Variants in MICU1 observed in about 807,000 individuals in gnomAD.
MICU1 encodes the protein mitochondrial calcium uptake 1, also known as calcium uptake protein 1, mitochondrial.
Under a neutral mutation model 56.8 loss-of-function variants are expected in MICU1, and 45 were observed. The ratio of observed to expected loss-of-function variants is 0.79; its 90% CI spans 0.62 to 1.02. The LOEUF (loss-of-function observed/expected upper bound fraction) is 1.02, where lower values mean the gene tolerates loss of function less well. MICU1 is among the 50% of genes least tolerant of loss of function. The probability of loss-of-function intolerance (pLI) is 0.00; values close to 1 mark genes in which losing one functional copy is unlikely to be tolerated. For missense variants in MICU1, 504 were observed against 587.1 expected, an observed-to-expected ratio of 0.86 and a Z score of 1.46; for synonymous variants, 186 against 195.1, an observed-to-expected ratio of 0.95 and a Z score of 0.39.
At chr10:72,460,719 C>T (rs1235631302) in intron 8 of MICU1, among the ~76,000 whole-genome samples, 1 of 152,086 alleles carries the variant, frequency 6.6e-6, no homozygotes, top group Non-Finnish European at 1.5e-5. Flanking sequence ...CTAGACTTCC[C>T]AGACTCCTCC....
At chr10:72,418,840 C>T in intron 9 of MICU1, among the ~76,000 whole-genome samples, 1 of 152,220 alleles carries the variant, frequency 6.6e-6, no homozygotes, top group Non-Finnish European at 1.5e-5. Flanking sequence ...AGCAAAGGCC[C>T]TTCCTTGACA....
At chr10:72,480,807 A>G (rs1170179834) in intron 6 of MICU1, among the ~76,000 whole-genome samples, 4 of 152,214 alleles carry the variant, frequency 2.6e-5, no homozygotes, top group Admixed American at 2.0e-4. Context: ...AGTTCCATGA[A>G]GGCATGTGCC....
chr10:72,377,775 A>T (rs1243828650), intron 10 of MICU1, among the ~76,000 whole-genome samples: 3 of 152,254 alleles, frequency 2.0e-5, no homozygotes, highest in African/African-American at 7.2e-5. Flanking sequence ...ATTCATCCAG[A>T]AGCCAAGTGA....
intron 1 of MICU1, among the ~76,000 whole-genome samples, chr10:72,572,674 A>G (rs2132488900): frequency 6.6e-6 from 1 of 152,220 alleles, no homozygotes; most frequent in East Asian, 1.9e-4. Flanking sequence ...ATATAAAAAG[A>G]CAGTTGGAAA....
intron 1 of MICU1, among the ~76,000 whole-genome samples, chr10:72,570,244 CCA>C (rs1840574670): frequency 6.6e-6 from 1 of 152,164 alleles, no homozygotes; most frequent in African/African-American, 2.4e-5. Context: ...CATGCCCAGC[CCA>C]CTGATTCCTA....
intron 1 of MICU1, among the ~76,000 whole-genome samples, chr10:72,618,539 C>T (rs1842033955): frequency 6.6e-6 from 1 of 151,776 alleles, no homozygotes; most frequent in South Asian, 2.1e-4. Context: ...GGTCAAAGAC[C>T]TGAAAAAAAT....
At chr10:72,442,813 G>C (rs1248093505) in intron 8 of MICU1, among the ~76,000 whole-genome samples, 3 of 152,158 alleles carry the variant, frequency 2.0e-5, no homozygotes, top group South Asian at 4.1e-4. Context: ...CTAGAGTGCA[G>C]TGGTGTGATC....
rs1427800115 is a variant in MICU1 at position 72,368,219 on chromosome 10, C to T, written c.1407G>A (p.Trp469Ter). The T allele has an allele frequency of 6.2e-7, 1 of 1,613,528 alleles. No individual in the cohort carries two copies. Among genetic ancestry groups the T allele is most frequent in the South Asian group, 1.1e-5 (1 of 91,038 alleles). ...AMWKCAQETA[W>*]DFALPKQ Reference sequence around the variant, plus strand: ...GTTACTGTTTGGGTAAAGCGAAGTCCCAGGCAGTTTCCTGTGCACATTTCC... The same window carrying T: ...GTTACTGTTTGGGTAAAGCGAAGTCTCAGGCAGTTTCCTGTGCACATTTCC... The change falls in exon 12 of 12, where the codon TGG (tryptophan) becomes TGA (stop). Residue 469 changes from tryptophan (W) to a stop codon, truncating the protein, a stop_gained. Coordinates refer to ENST00000361114, the MANE Select transcript of MICU1 (RefSeq NM_001195518.2). LOFTEE classifies it high-confidence loss of function.
chr10:72,545,198 G>A (rs1179289131), intron 4 of MICU1, among the ~76,000 whole-genome samples: 1 of 152,076 alleles, frequency 6.6e-6, no homozygotes, highest in Non-Finnish European at 1.5e-5. Flanking sequence ...ATGAGCAAAT[G>A]AAAACGAAGC....
At chr10:72,471,472 T>A (rs1865949536) in intron 8 of MICU1, among the ~76,000 whole-genome samples, 3 of 152,226 alleles carry the variant, frequency 2.0e-5, no homozygotes, top group African/African-American at 7.2e-5. Flanking sequence ...TAGGCTCTCA[T>A]TTGTGTTTCT....
At chr10:72,405,635 C>T (rs1863604954) in intron 10 of MICU1, among the ~76,000 whole-genome samples, 1 of 149,454 alleles carries the variant, frequency 6.7e-6, no homozygotes. Context: ...GTTAGGAAAT[C>T]AAGTCTAGTA....
intron 10 of MICU1, among the ~76,000 whole-genome samples, chr10:72,399,153 T>G (rs1178469795): frequency 6.6e-6 from 1 of 152,084 alleles, no homozygotes; most frequent in Non-Finnish European, 1.5e-5. Flanking sequence ...GCAAACCATG[T>G]CCTTTGCAGG....
chr10:72,566,884 A>G, intron 1 of MICU1, 90 bp from the exon 2 acceptor site: 1 of 1,125,886 alleles, frequency 8.9e-7, no homozygotes. Flanking sequence ...AATAAACACT[A>G]AAGTAATTGC....
intron 10 of MICU1, among the ~76,000 whole-genome samples, chr10:72,384,081 C>T (rs1862808583): frequency 6.6e-6 from 1 of 151,980 alleles, no homozygotes; most frequent in African/African-American, 2.4e-5. Context: ...ACAGCCTCAA[C>T]ATCCTGGGCT....
intron 6 of MICU1, among the ~76,000 whole-genome samples, chr10:72,481,972 C>G (rs1173136039): frequency 1.3e-5 from 2 of 152,154 alleles, no homozygotes; most frequent in Non-Finnish European, 2.9e-5. Flanking sequence ...TAATATCATT[C>G]CACCATTGAC....
chr10:72,486,488 T>C (rs1273123884), intron 6 of MICU1, among the ~76,000 whole-genome samples: 1 of 152,228 alleles, frequency 6.6e-6, no homozygotes, highest in East Asian at 1.9e-4. Context: ...TTGTTTTGTT[T>C]TGAGACAGAG....
intron 7 of MICU1, among the ~76,000 whole-genome samples, chr10:72,476,226 C>CAAAAAA (rs71018297): frequency 1.4e-5 from 1 of 73,812 alleles, no homozygotes; most frequent in Admixed American, 1.7e-4. Flanking sequence ...GACTCCATCT[C>CAAAAAA]AAAAAAAAAA....
chr10:72,528,714 A>G, intron 5 of MICU1: 1 of 207,754 alleles, frequency 4.8e-6, no homozygotes, highest in Non-Finnish European at 1.1e-5. Context: ...ATTTCTTAAC[A>G]ACTTACTATA....
chr10:72,404,518 C>A (rs1404778512), intron 10 of MICU1, among the ~76,000 whole-genome samples: 1 of 152,068 alleles, frequency 6.6e-6, no homozygotes, highest in South Asian at 2.1e-4. Context: ...AATTGCTAAA[C>A]CCCTAGGTAG....
Sources: gnomAD v4.1 joint callset for allele counts (sites outside exome capture counted in the v4.1 genomes callset) on GRCh38, gnomAD v4.1.1 for gene constraint, MANE v1.5 for transcripts, NCBI Gene and HGNC (gene_info 2026-07-23, HGNC 2026-07-21) for gene names.